The following KCNIP1 variants were observed in gnomAD, a reference collection of about 807,000 sequenced individuals.
KCNIP1 encodes the protein A-type potassium channel modulatory protein KCNIP1.
A neutral mutation model predicts 33.0 loss-of-function variants in KCNIP1; 18 were observed. The observed-to-expected ratio is 0.55, with a 90% CI of 0.38 to 0.81. The LOEUF is 0.81. KCNIP1 is among the 30% of genes least tolerant of loss of function. KCNIP1 has a pLI of 0.00. For synonymous variants in KCNIP1, 93 were observed against 98.3 expected (o/e 0.95, Z 0.32); for missense variants, 238 against 271.6 (o/e 0.88, Z 0.87).
chr5:170,448,218 G>C (rs554894760), intron 1 of KCNIP1, among the ~76,000 whole-genome samples: 3 of 152,348 alleles, frequency 2.0e-5, no homozygotes, highest in Admixed American at 2.0e-4. Flanking sequence ...TCTTAGGCCA[G>C]AGTGATCCCC....
intron 1 of KCNIP1, among the ~76,000 whole-genome samples, chr5:170,381,773 C>A (rs1281049632): frequency 1.3e-5 from 2 of 152,194 alleles, no homozygotes; most frequent in East Asian, 3.9e-4. Context: ...CTGCTCTGGC[C>A]CATATCACTC....
intron 1 of KCNIP1, among the ~76,000 whole-genome samples, chr5:170,645,199 T>C (rs1231006770): frequency 6.6e-6 from 1 of 152,174 alleles, no homozygotes; most frequent in African/African-American, 2.4e-5. Flanking sequence ...AGGATTAGTC[T>C]CTTTAAAGCT....
chr5:170,589,899 C>T (rs1758178365), intron 1 of KCNIP1, among the ~76,000 whole-genome samples: 1 of 152,138 alleles, frequency 6.6e-6, no homozygotes, highest in South Asian at 2.1e-4. Flanking sequence ...GAGCACCAGA[C>T]TCTGCAGTCA....
chr5:170,667,561 G>A (rs1761754520), intron 1 of KCNIP1, among the ~76,000 whole-genome samples: 1 of 152,184 alleles, frequency 6.6e-6, no homozygotes, highest in African/African-American at 2.4e-5. Context: ...GAAGTTTCCT[G>A]GGGCTCTAGC....
At chr5:170,537,045 G>A (rs1049013500) in intron 1 of KCNIP1, among the ~76,000 whole-genome samples, 2 of 152,140 alleles carry the variant, frequency 1.3e-5, no homozygotes, top group Admixed American at 6.5e-5. Flanking sequence ...CTGCCAGCAC[G>A]ACCAACTCTC....
intron 1 of KCNIP1, among the ~76,000 whole-genome samples, chr5:170,543,752 G>A (rs189848596): frequency 4.7e-4 from 71 of 152,284 alleles, no homozygotes; most frequent in African/African-American, 1.7e-3. Context: ...GTTTAACTCT[G>A]CCAGTTTCTC....
chr5:170,452,659 A>G (rs1030767800), intron 1 of KCNIP1, among the ~76,000 whole-genome samples: 1 of 152,030 alleles, frequency 6.6e-6, no homozygotes, highest in African/African-American at 2.4e-5. Flanking sequence ...TTTTAATCAA[A>G]TCTGTCTTTT....
At chr5:170,553,092 A>G (rs1756715034) in intron 1 of KCNIP1, among the ~76,000 whole-genome samples, 3 of 152,218 alleles carry the variant, frequency 2.0e-5, no homozygotes, top group African/African-American at 4.8e-5. Flanking sequence ...GAGGAGGGGA[A>G]AATCGTAACC....
chr5:170,733,714 T>A, intron 6 of KCNIP1, 122 bp from the exon 7 acceptor site: 1 of 767,730 alleles, frequency 1.3e-6, no homozygotes, highest in Admixed American at 2.5e-5. Context: ...GCAAAGTTGG[T>A]TAATGAAATG....
chr5:170,539,787 G>C (rs1001401697), intron 1 of KCNIP1, among the ~76,000 whole-genome samples: 3 of 152,150 alleles, frequency 2.0e-5, no homozygotes, highest in Non-Finnish European at 2.9e-5. Context: ...CAAATGTCAA[G>C]AAGTACCTGG....
intron 1 of KCNIP1, among the ~76,000 whole-genome samples, chr5:170,536,990 C>G (rs745375038): frequency 3.3e-5 from 5 of 152,202 alleles, no homozygotes; most frequent in Non-Finnish European, 7.3e-5. Flanking sequence ...GCTCCACAAT[C>G]TCACCAGAAT....
intron 1 of KCNIP1, among the ~76,000 whole-genome samples, chr5:170,387,478 G>A (rs6888827): frequency 0.02 from 3,018 of 152,222 alleles, 96 homozygotes; most frequent in African/African-American, 0.069. Flanking sequence ...CAGGCACCAC[G>A]GATACCCATC....
At chr5:170,380,164 C>T (rs1269356680) in intron 1 of KCNIP1, among the ~76,000 whole-genome samples, 2 of 152,076 alleles carry the variant, frequency 1.3e-5, no homozygotes, top group Admixed American at 6.6e-5. Context: ...AACTTTCTGC[C>T]CTGTTCAGAT....
Position 170,390,517 on chromosome 5 carries a change from A to AAAAAATATATATAT in KCNIP1, c.88+36554_88+36555insAAAATATATATATA. 3.2e-4 allele frequency among the ~76,000 whole-genome samples: 24 copies of AAAAAATATATATAT among 74,540 alleles called. 1 individual carries two copies. Among genetic ancestry groups the AAAAAATATATATAT allele is most frequent in the African/African-American group, 7.7e-4 (12 of 15,614 alleles). 48.9% of individuals were successfully genotyped at this position (74,540 alleles called of 152,430 possible). ...GACCCCGTCTCAAAAAAAAAAAACA[A>AAAAAATATATATAT]ATATATATATATATATATATATTTT... On this transcript the variant is annotated intron_variant, in intron 1 of 7. Transcript: ENST00000377360.
chr5:170,457,799 C>T (rs536785006), intron 1 of KCNIP1, among the ~76,000 whole-genome samples: 1 of 152,096 alleles, frequency 6.6e-6, no homozygotes, highest in Admixed American at 6.6e-5. Context: ...TAATACCCCC[C>T]AAAAAATCAC....
intron 1 of KCNIP1, among the ~76,000 whole-genome samples, chr5:170,492,703 A>G (rs558638908): frequency 1.3e-5 from 2 of 152,336 alleles, no homozygotes; most frequent in Admixed American, 6.5e-5. Context: ...GGAAACTCCA[A>G]GGGTTTTAGG....
At chr5:170,534,762 T>A (rs926713372) in intron 1 of KCNIP1, among the ~76,000 whole-genome samples, 2 of 151,652 alleles carry the variant, frequency 1.3e-5, no homozygotes, top group African/African-American at 4.8e-5. Flanking sequence ...GCTCAAGTGA[T>A]CCTCCCACCA....
intron 1 of KCNIP1, among the ~76,000 whole-genome samples, chr5:170,445,206 C>T (rs945714969): frequency 6.6e-6 from 1 of 152,214 alleles, no homozygotes; most frequent in African/African-American, 2.4e-5. Flanking sequence ...TGAGCACCTA[C>T]ACATCCGGTA....
At chr5:170,466,297 G>A (rs1336208034) in intron 1 of KCNIP1, among the ~76,000 whole-genome samples, 2 of 152,212 alleles carry the variant, frequency 1.3e-5, no homozygotes. Context: ...GCAGGGGAGA[G>A]AGCAGGAGTT....
Sources: allele counts gnomAD v4.1 joint callset (sites outside exome capture counted in the v4.1 genomes callset), GRCh38; gene constraint gnomAD v4.1.1; transcripts MANE v1.5; gene names NCBI Gene and HGNC (gene_info 2026-07-23, HGNC 2026-07-21).